TSHZ2: variants seen among roughly 807,000 people sequenced by gnomAD.
TSHZ2 encodes the protein teashirt homolog 2.
A neutral mutation model predicts 74.4 loss-of-function variants in TSHZ2; 21 were observed. That is an observed-to-expected ratio of 0.28 (90% confidence interval 0.20 to 0.41). TSHZ2 has a LOEUF of 0.41. Ranked by LOEUF, TSHZ2 falls within the 10% of genes least tolerant of loss-of-function variation. The probability of loss-of-function intolerance (pLI) is 1.00; values close to 1 mark genes in which losing one functional copy is unlikely to be tolerated. For synonymous variants in TSHZ2, 540 were observed against 515.3 expected (o/e 1.05, Z -0.65); for missense variants, 1,244 against 1,293.5 (o/e 0.96, Z 0.59).
chr20:53,119,566 A>G (rs1238660273), intron 1 of TSHZ2, among the ~76,000 whole-genome samples: 1 of 152,336 alleles, frequency 6.6e-6, no homozygotes, highest in Admixed American at 6.5e-5. Context: ...CACTAATCCC[A>G]ATGGAGCTAT....
intron 1 of TSHZ2, among the ~76,000 whole-genome samples, chr20:53,199,657 C>A (rs1015568144): frequency 2.6e-5 from 4 of 152,110 alleles, no homozygotes; most frequent in African/African-American, 9.7e-5. Context: ...TAGGTTAGGC[C>A]CCCACTGGAT....
chr20:53,466,085 A>G (rs1985550350), intron 2 of TSHZ2, among the ~76,000 whole-genome samples: 3 of 152,120 alleles, frequency 2.0e-5, no homozygotes, highest in East Asian at 3.9e-4. Context: ...CGTCTCTACT[A>G]AAAATACAAA....
chr20:52,980,093 A>AC (rs1981505168), intron 1 of TSHZ2, among the ~76,000 whole-genome samples: 1 of 152,238 alleles, frequency 6.6e-6, no homozygotes, highest in Non-Finnish European at 1.5e-5. Flanking sequence ...ATATTACACA[A>AC]CACTTTTTAA....
chr20:53,350,776 A>G (rs911465238), intron 2 of TSHZ2, among the ~76,000 whole-genome samples: 4 of 152,244 alleles, frequency 2.6e-5, no homozygotes, highest in Admixed American at 2.0e-4. Flanking sequence ...TGTTTCACCA[A>G]TATCCCACCT....
intron 2 of TSHZ2, among the ~76,000 whole-genome samples, chr20:53,404,620 C>T (rs1354146151): frequency 2.0e-5 from 3 of 152,318 alleles, no homozygotes; most frequent in African/African-American, 7.2e-5. Flanking sequence ...CGTATCCAGT[C>T]AAATGCTTCC....
intron 2 of TSHZ2, among the ~76,000 whole-genome samples, chr20:53,434,694 G>A (rs1023577788): frequency 6.6e-6 from 1 of 152,192 alleles, no homozygotes; most frequent in Non-Finnish European, 1.5e-5. Context: ...CTGGAGAGCC[G>A]CAAAGCAAGC....
chr20:53,085,985 T>C (rs1279088394), intron 1 of TSHZ2, among the ~76,000 whole-genome samples: 2 of 152,170 alleles, frequency 1.3e-5, no homozygotes, highest in Non-Finnish European at 2.9e-5. Flanking sequence ...TTATTGTGCA[T>C]GTGGCATGGT....
intron 1 of TSHZ2, among the ~76,000 whole-genome samples, chr20:53,186,901 AAT>A (rs540729094): frequency 3.8e-4 from 56 of 148,812 alleles, no homozygotes; most frequent in Admixed American, 1.1e-3. Context: ...ACTAGGGTTT[AAT>A]ATATATATAT....
chr20:53,493,706 CT>C lies in TSHZ2; in HGVS notation c.*6576del, dbSNP rs1411903157. On this transcript the variant is annotated 3_prime_UTR_variant, in exon 3 of 3. Coordinates refer to ENST00000371497, the MANE Select transcript of TSHZ2 (RefSeq NM_173485.6). ...TTTTAATCAAAACCATGTTTCACTT[CT>C]TTTTGATGATTATAAATTGTCCTTG... is the stretch of plus-strand genomic sequence containing the variant. The C allele has an allele frequency of 1.3e-5, 2 of 151,066 alleles. No homozygotes were observed. The highest frequency in any genetic ancestry group is 1.5e-5 in the Non-Finnish European group (1 of 67,838). The allele number at this position is 151,066 out of a possible 1,614,324, so 9.4% of individuals were successfully genotyped here. A position where few individuals can be genotyped will look rare whatever the true frequency, so the allele number is the denominator to read the frequency against.
chr20:53,170,960 A>G (rs375947019), intron 1 of TSHZ2, among the ~76,000 whole-genome samples: 17 of 152,172 alleles, frequency 1.1e-4, no homozygotes, highest in African/African-American at 3.9e-4. Flanking sequence ...TAATTAAAAA[A>G]AAAAAACACA....
chr20:53,416,652 T>C (rs1431989595), intron 2 of TSHZ2, among the ~76,000 whole-genome samples: 1 of 152,230 alleles, frequency 6.6e-6, no homozygotes, highest in African/African-American at 2.4e-5. Flanking sequence ...GATCCAAAAA[T>C]GTTTACCATT....
In TSHZ2 at chr20:53,255,523, C is replaced by T. The variant is rs267606002; in HGVS notation, c.2065C>T (p.Leu689=). 1 of 1,588,272 alleles carries T rather than the reference C, an allele frequency of 6.3e-7. No homozygotes were observed. Residue 689 remains leucine, a synonymous_variant, in exon 2 of 3, where the codon CTG becomes TTG. Transcript: ENST00000371497. The surrounding 1 kb of genome is among the most constrained non-coding windows in gnomAD (Gnocchi z 4.1). Reference sequence around the variant, plus strand: ...CGCCCTCGCCAACCACGCCCCGGCCCTGCCATGCATCAACCCACTCAGCGC... The same window carrying T: ...CGCCCTCGCCAACCACGCCCCGGCCTTGCCATGCATCAACCCACTCAGCGC... The part of the protein sequence containing the change: ...GCALANHAPA[L]PCINPLSALQ...
intron 1 of TSHZ2, among the ~76,000 whole-genome samples, chr20:53,001,226 G>GTGTGTGTGTGTATA (rs1555813607): frequency 1.6e-4 from 23 of 146,720 alleles, no homozygotes; most frequent in African/African-American, 5.8e-4. Flanking sequence ...GTGTGTGTGT[G>GTGTGTGTGTGTATA]TGTGTGTGTG....
At chr20:53,385,148 C>A (rs925820265) in intron 2 of TSHZ2, among the ~76,000 whole-genome samples, 5 of 151,966 alleles carry the variant, frequency 3.3e-5, no homozygotes, top group Admixed American at 3.3e-4. Flanking sequence ...AATGAAAAAT[C>A]AAAAATAAAA....
chr20:53,318,099 G>A (rs1444773929), intron 2 of TSHZ2, among the ~76,000 whole-genome samples: 1 of 152,216 alleles, frequency 6.6e-6, no homozygotes, highest in African/African-American at 2.4e-5. Context: ...ACAAGGAAGA[G>A]AAAATAAGCT....
chr20:53,156,977 CAGAGAA>C (rs1189233555), intron 1 of TSHZ2, among the ~76,000 whole-genome samples: 2 of 152,150 alleles, frequency 1.3e-5, no homozygotes, highest in Non-Finnish European at 2.9e-5. Context: ...CTTTATTAAG[CAGAGAA>C]ACATTAGACC....
intron 2 of TSHZ2, among the ~76,000 whole-genome samples, chr20:53,437,640 A>G (rs1984138931): frequency 6.6e-6 from 1 of 152,162 alleles, no homozygotes; most frequent in Non-Finnish European, 1.5e-5. Context: ...TCCACCCGAC[A>G]TGGTTTGGAT....
In TSHZ2 at chr20:53,074,130, CT is replaced by C. The variant is rs139668499; in HGVS notation, c.40+100798del. ...TCACCTTCATGACATCCTTGGTGAA[CT>C]CTTATGTATCTTTTAAACTGCTGTT... On this transcript the variant is annotated intron_variant, in intron 1 of 2. Transcript: ENST00000371497. This position sits in a 1 kb window ranked among gnomAD's most constrained non-coding sequence, Gnocchi z 5.9. 2.2e-3 allele frequency among the ~76,000 whole-genome samples: 342 copies of C among 152,344 alleles called. No homozygotes were observed. The highest frequency in any genetic ancestry group is 7.8e-3 in the African/African-American group (325 of 41,586).
chr20:53,286,748 G>A (rs1025158369), intron 2 of TSHZ2, among the ~76,000 whole-genome samples: 2 of 152,070 alleles, frequency 1.3e-5, no homozygotes, highest in African/African-American at 4.8e-5. Context: ...TTTTTACTTA[G>A]TCAGGTAGGG....
Sources: allele counts gnomAD v4.1 joint callset (sites outside exome capture counted in the v4.1 genomes callset), GRCh38; gene constraint gnomAD v4.1.1; non-coding constraint Gnocchi (gnomAD v3.1); transcripts MANE v1.5; gene names NCBI Gene and HGNC (gene_info 2026-07-23, HGNC 2026-07-21).